DCAF16: variants seen among roughly 807,000 people sequenced by gnomAD.
DCAF16 encodes the protein DDB1 and CUL4 associated factor 16.
In DCAF16, 10 loss-of-function variants were observed where a neutral mutation model predicts 17.3. That is an observed-to-expected ratio of 0.58 (90% CI 0.36 to 0.98). DCAF16 has a LOEUF of 0.98. Ranked by LOEUF, DCAF16 falls within the 50% of genes least tolerant of loss-of-function variation. DCAF16 has a pLI of 0.01. For missense variants in DCAF16, 249 were observed against 247.6 expected, an observed-to-expected ratio of 1.01 and a Z score of -0.04; for synonymous variants, 111 against 92.8, an observed-to-expected ratio of 1.20 and a Z score of -1.12.
chr4:17,798,237 T>C (rs896302281), downstream of DCAF16, among the ~76,000 whole-genome samples: 2 of 151,830 alleles, frequency 1.3e-5, no homozygotes, highest in African/African-American at 4.8e-5. Flanking sequence ...AAACTGTTGC[T>C]AACGTTTTTA....
chr4:17,808,720 C>T (rs1485135553), intron 1 of DCAF16, among the ~76,000 whole-genome samples: 6 of 152,118 alleles, frequency 3.9e-5, no homozygotes. Flanking sequence ...GGTGAGACAG[C>T]CAAATAGAAT....
At chr4:17,800,032 A>G (rs943425910), downstream of DCAF16, among the ~76,000 whole-genome samples, 7 of 151,844 alleles carry the variant, frequency 4.6e-5, no homozygotes, top group Admixed American at 3.9e-4. Flanking sequence ...CTGTAATTCC[A>G]GCTACTCGGG....
rs780388370 is a variant in DCAF16 at position 17,804,001 on chromosome 4, C to G, written c.141G>C (p.Ser47=). The G allele has an allele frequency of 1.2e-6, 2 of 1,614,134 alleles. No homozygotes were observed. Among genetic ancestry groups the G allele is most frequent in the Admixed American group, 3.3e-5 (2 of 60,020 alleles). The change falls in exon 3 of 3, where the codon TCG becomes TCC. Residue 47 remains serine (S), a synonymous_variant. Transcript: ENST00000382247. ...CCTGCCAGGCAAGACTCTCAAGAGG[C>G]GATAAGTTGGGCACCATAGAGTCCT... The part of the protein sequence containing the change: ...EEEDSMVPNL[S]PLESLAWQVK...
At chr4:17,798,782 A>T (rs1323269665), downstream of DCAF16, among the ~76,000 whole-genome samples, 1 of 152,116 alleles carries the variant, frequency 6.6e-6, no homozygotes, top group Non-Finnish European at 1.5e-5. Context: ...TGCGGCTGCT[A>T]ATTGAAAGGA....
At chr4:17,800,631 T>C (rs547561891), downstream of DCAF16, 16 of 152,774 alleles carry the variant, frequency 1.0e-4, no homozygotes, top group South Asian at 3.1e-3. Flanking sequence ...ATTTCATTTG[T>C]TGAGGACAAA....
chr4:17,797,877 G>A (rs1323994488), downstream of DCAF16, among the ~76,000 whole-genome samples: 1 of 152,172 alleles, frequency 6.6e-6, no homozygotes, highest in Non-Finnish European at 1.5e-5. Flanking sequence ...TGCCACAGCT[G>A]ATACCATAGA....
At position 17,803,875 on chromosome 4, in the gene DCAF16, T is replaced by C. The variant is rs1262752727; in HGVS notation, c.267A>G (p.Ile89Met). The part of the protein sequence containing the change: ...KLLDPSTPVH[I>M]LREIGLRLSH... Reference sequence around the variant, plus strand: ...AGAGTCTTAGACCTATCTCTCGAAGTATATGGACTGGTGTGCTTGGATCCA... The same window carrying C: ...AGAGTCTTAGACCTATCTCTCGAAGCATATGGACTGGTGTGCTTGGATCCA... The change falls in exon 3 of 3, where the codon ATA (isoleucine) becomes ATG (methionine). Residue 89 changes from isoleucine to methionine, a missense_variant. Coordinates refer to ENST00000382247, the MANE Select transcript of DCAF16 (RefSeq NM_017741.4). 5.0e-6 allele frequency: 8 copies of C among 1,614,164 alleles called. No individual in the cohort carries two copies. Among genetic ancestry groups the C allele is most frequent in the Non-Finnish European group, 6.8e-6 (8 of 1,180,024 alleles).
rs1195230586 is a variant in DCAF16 at position 17,805,104 on chromosome 4, T to A, written c.-631+3A>T. 3.4e-5 allele frequency: 5 copies of A among 147,802 alleles called. No individual in the cohort carries two copies. The South Asian group carries it at 6.6e-4, about 20-fold the overall frequency. The allele number at this position is 147,802 out of a possible 1,614,324, so 9.2% of individuals were successfully genotyped here. A position where few individuals can be genotyped will look rare whatever the true frequency, so the allele number is the denominator to read the frequency against. On this transcript the variant is annotated splice_donor_region_variant and intron_variant, in intron 2 of 2. Coordinates refer to ENST00000382247, the MANE Select transcript of DCAF16 (RefSeq NM_017741.4). ...TAAAAGTTTTTTTTTTTTTTTTTTT[T>A]ACCTTCAGAGGTGCTTGTTGGAATT...
At chr4:17,793,627 A>G in the DCAF16 span, among the ~76,000 whole-genome samples, 2 of 152,344 alleles carry the variant, frequency 1.3e-5, no homozygotes, top group East Asian at 3.9e-4. Flanking sequence ...GATTCCATTC[A>G]CATGAAATCT....
intron 1 of DCAF16, chr4:17,809,429 A>G (rs1267687152): frequency 6.6e-6 from 1 of 152,246 alleles, no homozygotes; most frequent in East Asian, 1.9e-4. Flanking sequence ...AAATAGTACA[A>G]TATCCTCATT....
intron 1 of DCAF16, among the ~76,000 whole-genome samples, chr4:17,807,390 C>T (rs934904924): frequency 1.3e-5 from 2 of 152,220 alleles, no homozygotes; most frequent in Non-Finnish European, 2.9e-5. Flanking sequence ...AATATGATCA[C>T]ATTATGCTAT....
chr4:17,797,939 T>G (rs1719500193), downstream of DCAF16, among the ~76,000 whole-genome samples: 1 of 152,202 alleles, frequency 6.6e-6, no homozygotes, highest in Non-Finnish European at 1.5e-5. Context: ...ACTTAACAAT[T>G]TCTCCCCAAA....
chr4:17,798,959 T>C (rs910164288), downstream of DCAF16, among the ~76,000 whole-genome samples: 11 of 152,300 alleles, frequency 7.2e-5, no homozygotes, highest in South Asian at 4.1e-4. Flanking sequence ...CTCAGTCCAA[T>C]GGGTATCACT....
At position 17,802,825 on chromosome 4, in the gene DCAF16, T is replaced by C. The variant is rs1719917407; in HGVS notation, c.*666A>G. ...GAGTATGCTCAGAAAGGTATTATTG[T>C]GGGTAGCTAACTTCTTGCTTTCAAC... On this transcript the variant is annotated 3_prime_UTR_variant, in exon 3 of 3. Coordinates refer to ENST00000382247, the MANE Select transcript of DCAF16 (RefSeq NM_017741.4). The C allele has an allele frequency of 6.6e-6, 1 of 152,288 alleles. No homozygotes were observed. The highest frequency in any genetic ancestry group is 1.5e-5 in the Non-Finnish European group (1 of 68,160). 9.4% of individuals were successfully genotyped at this position (152,288 alleles called of 1,614,324 possible). A position where few individuals can be genotyped will look rare whatever the true frequency, so the allele number is the denominator to read the frequency against.
In DCAF16 at chr4:17,803,494, C is replaced by T. The variant is rs144938951; in HGVS notation, c.648G>A (p.Leu216=). ...TATCAGAGCAAATGGTAGATCTTTA[C>T]AGTGATGCAGTTAGGAGTTTGTTAA... ...KAVNKLLTAS[L] is the part of the protein sequence containing the mutation. Residue 216 remains leucine, a synonymous_variant, in exon 3 of 3, where the codon CTG becomes CTA. Coordinates refer to ENST00000382247, the MANE Select transcript of DCAF16 (RefSeq NM_017741.4). The T allele has an allele frequency of 1.6e-5, 25 of 1,612,598 alleles. No homozygotes were observed. In the African/African-American group the frequency reaches 3.2e-4, roughly 21 times the overall value.
chr4:17,803,224 T>A lies in DCAF16; in HGVS notation c.*267A>T, dbSNP rs3178753. On this transcript the variant is annotated 3_prime_UTR_variant, in exon 3 of 3. Coordinates refer to ENST00000382247, the MANE Select transcript of DCAF16 (RefSeq NM_017741.4). ...ATTTTTAGTAGAGACAGGGTTTCAC[T>A]GTGTTGGCAAGGCTGGTCTCAAACT... 2.4e-6 allele frequency: 1 copy of A among 419,070 alleles called. No individual in the cohort carries two copies. Among genetic ancestry groups the A allele is most frequent in the East Asian group, 4.7e-5 (1 of 21,284 alleles). The allele number at this position is 419,070 out of a possible 1,614,324, so 26.0% of individuals were successfully genotyped here. A position where few individuals can be genotyped will look rare whatever the true frequency, so the allele number is the denominator to read the frequency against.
At position 17,803,559 on chromosome 4, in the gene DCAF16, T is replaced by C. The variant is rs1255145176; in HGVS notation, c.583A>G (p.Ile195Val). 3 of 1,614,096 alleles carry C rather than the reference T, an allele frequency of 1.9e-6. No homozygotes were observed. The highest frequency in any genetic ancestry group is 2.5e-6 in the Non-Finnish European group (3 of 1,180,028). The change falls in exon 3 of 3, where the codon ATC (isoleucine) becomes GTC (valine). Residue 195 changes from isoleucine to valine, a missense_variant. Physicochemically the swap from Ile to Val is conservative, Grantham distance 29. Transcript: ENST00000382247. ...TCAGTGTAAGAATAAGTAGTGTTGA[T>C]GGGTTCAGTACGAGTTGTTTCCTTA... The part of the protein sequence containing the change: ...TVKETTRTEP[I>V]NTTYSYTDFQ...
At chr4:17,799,904 C>T (rs1264742612), downstream of DCAF16, among the ~76,000 whole-genome samples, 4 of 152,010 alleles carry the variant, frequency 2.6e-5, no homozygotes, top group African/African-American at 7.3e-5. Flanking sequence ...AATCCCAGCA[C>T]TTTGGGAGGC....
At chr4:17,805,945 T>C (rs1240859037) in intron 1 of DCAF16, among the ~76,000 whole-genome samples, 1 of 152,114 alleles carries the variant, frequency 6.6e-6, no homozygotes, top group Non-Finnish European at 1.5e-5. Flanking sequence ...CCAGTCTGGG[T>C]GACAGAATGA....
Sources: gnomAD v4.1 joint callset for allele counts (sites outside exome capture counted in the v4.1 genomes callset) on GRCh38, gnomAD v4.1.1 for gene constraint, MANE v1.5 for transcripts, NCBI Gene and HGNC (gene_info 2026-07-23, HGNC 2026-07-21) for gene names.